The following EHBP1L1 variants were observed in gnomAD, a reference collection of about 807,000 sequenced individuals.
The protein encoded by EHBP1L1 is EH domain-binding protein 1-like protein 1.
Under a neutral mutation model 151.1 loss-of-function variants are expected in EHBP1L1, and 122 were observed. The ratio of observed to expected loss-of-function variants is 0.81; its 90% CI spans 0.70 to 0.94. EHBP1L1 has a LOEUF of 0.94. Ranked by LOEUF, EHBP1L1 falls within the 40% of genes least tolerant of loss-of-function variation. EHBP1L1 has a pLI of 0.00. For missense variants in EHBP1L1, 1,941 were observed against 1,959.8 expected (o/e 0.99, Z 0.18); for synonymous variants, 878 against 810.1 (o/e 1.08, Z -1.42).
At chr11:65,578,961 A>C (rs993323338) in intron 1 of EHBP1L1, 117 bp from the exon 2 acceptor site, 5 of 950,376 alleles carry the variant, frequency 5.3e-6, no homozygotes, top group Non-Finnish European at 6.3e-6. Context: ...GAGGAGGGGG[A>C]GGTGGGCAGA....
Position 65,585,318 on chromosome 11 carries a change from C to G in EHBP1L1, c.3660C>G (p.Asp1220Glu). The G allele has an allele frequency of 9.2e-7, 1 of 1,083,756 alleles. No homozygotes were observed. Among genetic ancestry groups the G allele is most frequent in the Non-Finnish European group, 1.1e-6 (1 of 893,410 alleles). 67.1% of individuals were successfully genotyped at this position (1,083,756 alleles called of 1,614,324 possible). ...CGGTCGCGGGCCGCGCCTCCAAGGACGGCGGGGCCGAGGCCCCCCGAGAGT... is the reference window on the plus strand; with the variant it reads ...CGGTCGCGGGCCGCGCCTCCAAGGAGGGCGGGGCCGAGGCCCCCCGAGAGT... ...RNAVAGRASK[D>E]GGAEAPRESR... is the part of the protein sequence containing the mutation. The change falls in exon 12 of 19, where the codon GAC becomes GAG. Residue 1220 changes from aspartate (D) to glutamate (E), a missense_variant. Transcript: ENST00000309295. This position sits in a 1 kb window ranked among gnomAD's most constrained non-coding sequence, Gnocchi z 4.0.
At position 65,590,009 on chromosome 11, in the gene EHBP1L1, G is replaced by A; in HGVS notation, c.4059+18G>A. On this transcript the variant is annotated intron_variant, in intron 14 of 18. Coordinates refer to ENST00000309295, the MANE Select transcript of EHBP1L1 (RefSeq NM_001099409.3). The stretch of plus-strand genomic sequence containing the variant: ...CTGGGCTGGTAAGGAGGGCTAAGTG[G>A]GAGGAGCTGATGGGTGAGCACCACC... 6.2e-7 allele frequency: 1 copy of A among 1,606,322 alleles called. No individual in the cohort carries two copies. Among genetic ancestry groups the A allele is most frequent in the Non-Finnish European group, 8.5e-7 (1 of 1,174,394 alleles).
rs148887138 is a variant in EHBP1L1 at position 65,583,338 on chromosome 11, C to G, written c.2666C>G (p.Ala889Gly). Residue 889 changes from alanine (A) to glycine (G), a missense_variant, in exon 9 of 19, where the codon GCA becomes GGA. By Grantham distance (60) the Ala-to-Gly change is moderately conservative. Transcript: ENST00000309295. Reference protein sequence around the residue: ...EEAQTSGVQEAETRVGSALKY... With the variant: ...EEAQTSGVQEGETRVGSALKY... The stretch of plus-strand genomic sequence containing the variant: ...GCTCAGACTTCGGGGGTCCAGGAAG[C>G]AGAGACTAGAGTTGGGAGTGCTCTC... 12 of 1,613,674 alleles carry G rather than the reference C, an allele frequency of 7.4e-6. No homozygotes were observed. The East Asian group carries it at 2.7e-4, about 36-fold the overall frequency.
rs1857859019 is a variant in EHBP1L1 at position 65,584,952 on chromosome 11, C to T, written c.3301-7C>T. The T allele has an allele frequency of 6.5e-7, 1 of 1,533,322 alleles. No homozygotes were observed. The highest frequency in any genetic ancestry group is 1.2e-5 in the South Asian group (1 of 83,892). The allele number at this position is 1,533,322 out of a possible 1,614,324, so 95.0% of individuals were successfully genotyped here. On this transcript the variant is annotated splice_region_variant and splice_polypyrimidine_tract_variant and intron_variant, in intron 11 of 18. Coordinates refer to ENST00000309295, the MANE Select transcript of EHBP1L1 (RefSeq NM_001099409.3). ...CGCCGCTGACCCCGAGTGCACCCTT[C>T]CCCTAGGCCTTCGATGGCTTCGCGG...
At chr11:65,587,156 C>T (rs1031048120) in intron 12 of EHBP1L1, among the ~76,000 whole-genome samples, 3 of 152,158 alleles carry the variant, frequency 2.0e-5, no homozygotes, top group South Asian at 2.1e-4. Context: ...GGGCAGATCA[C>T]GAGGTCAGGA....
chr11:65,583,726 A>G lies in EHBP1L1; in HGVS notation c.3054A>G (p.Pro1018=). 1 of 1,541,906 alleles carries G rather than the reference A, an allele frequency of 6.5e-7. No individual in the cohort carries two copies. The highest frequency in any genetic ancestry group is 2.1e-5 in the Admixed American group (1 of 47,688). The change falls in exon 9 of 19, where the codon CCA becomes CCG. Residue 1018 remains proline, a synonymous_variant. Coordinates refer to ENST00000309295, the MANE Select transcript of EHBP1L1 (RefSeq NM_001099409.3). ...AGAGAPRASS[P]EKAEEDRRLP... ...CTGGGGCGCCCAGGGCCTCTTCCCC[A>G]GAGAAGGCTGAAGAGGACAGGAGGC...
chr11:65,583,522 G>C lies in EHBP1L1; in HGVS notation c.2850G>C (p.Gly950=). 6.2e-7 allele frequency: 1 copy of C among 1,613,360 alleles called. No homozygotes were observed. Among genetic ancestry groups the C allele is most frequent in the Non-Finnish European group, 8.5e-7 (1 of 1,179,720 alleles). ...GVWGMSEGKS[G]AWGAQEAEMK... ...GGGGGATGTCAGAGGGCAAATCTGG[G>C]GCTTGGGGGGCCCAGGAAGCAGAGA... The change falls in exon 9 of 19, where the codon GGG becomes GGC. Residue 950 remains glycine (G), a synonymous_variant. Coordinates refer to ENST00000309295, the MANE Select transcript of EHBP1L1 (RefSeq NM_001099409.3).
chr11:65,591,628 G>T, intron 16 of EHBP1L1, 172 bp from the exon 17 acceptor site: 1 of 651,550 alleles, frequency 1.5e-6, no homozygotes, highest in Non-Finnish European at 2.8e-6. Flanking sequence ...CAGAAGAAAA[G>T]CGATAATGTG....
chr11:65,583,925 C>G, intron 9 of EHBP1L1, 160 bp downstream of exon 9: 1 of 1,416,826 alleles, frequency 7.1e-7, no homozygotes, highest in Non-Finnish European at 9.2e-7. Context: ...CTCAGGATGC[C>G]CTGGCTCTCT....
chr11:65,578,895 C>T (rs2135229666), intron 1 of EHBP1L1, among the ~76,000 whole-genome samples, 183 bp from the exon 2 acceptor site: 1 of 152,354 alleles, frequency 6.6e-6, no homozygotes, highest in Non-Finnish European at 1.5e-5. Flanking sequence ...CCTACCTTAG[C>T]AGCTCCACCC....
intron 1 of EHBP1L1, 83 bp downstream of exon 1, chr11:65,576,489 C>A (rs1394457643): frequency 7.6e-6 from 10 of 1,308,656 alleles, no homozygotes; most frequent in South Asian, 2.8e-5. Context: ...ACTCTGCCCC[C>A]CCAGCCCAAT....
In EHBP1L1 at chr11:65,583,123, G is replaced by A. The variant is rs754644037; in HGVS notation, c.2451G>A (p.Glu817=). Residue 817 remains glutamate (E), a synonymous_variant, in exon 9 of 19, where the codon GAG becomes GAA. Transcript: ENST00000309295. The stretch of plus-strand genomic sequence containing the variant: ...TAGCGACTGGGACAGCAGAAACTGA[G>A]ATATTGGGGACCCAAGAGATAGCAT... ...PEIATGTAET[E]ILGTQEIASR... 3 of 1,613,334 alleles carry A rather than the reference G, an allele frequency of 1.9e-6. No homozygotes were observed. In the African/African-American group the frequency reaches 4.0e-5, roughly 22 times the overall value.
intron 6 of EHBP1L1, 107 bp from the exon 7 acceptor site, chr11:65,580,951 G>T: frequency 6.8e-7 from 1 of 1,474,298 alleles, no homozygotes; most frequent in African/African-American, 1.4e-5. Flanking sequence ...CCTGAGGCCA[G>T]GGCGTTTCCC....
intron 6 of EHBP1L1, 179 bp from the exon 7 acceptor site, chr11:65,580,879 G>T: frequency 7.1e-7 from 1 of 1,406,496 alleles, no homozygotes; most frequent in Non-Finnish European, 9.3e-7. Context: ...CACTGTTGAG[G>T]TTCTCTCTCT....
rs1172850106 is a variant in EHBP1L1, at chr11:65,583,615, C to A, written c.2943C>A (p.Val981=). The change falls in exon 9 of 19, where the codon GTC becomes GTA. Residue 981 remains valine, a synonymous_variant. Transcript: ENST00000309295. ...TFKAQEAEAG[V]LGNEKGKEAE... is the part of the protein sequence containing the mutation. ...AGGCCCAGGAAGCGGAGGCTGGGGT[C>A]TTGGGAAATGAGAAGGGGAAAGAAG... The A allele has an allele frequency of 1.2e-6, 2 of 1,608,456 alleles. No homozygotes were observed. Among genetic ancestry groups the A allele is most frequent in the Non-Finnish European group, 1.7e-6 (2 of 1,177,494 alleles).
At chr11:65,580,941 C>T (rs1857571259) in intron 6 of EHBP1L1, 117 bp from the exon 7 acceptor site, 4 of 1,462,398 alleles carry the variant, frequency 2.7e-6, no homozygotes, top group Non-Finnish European at 3.6e-6. Context: ...GGGGCGGTGC[C>T]CTGAGGCCAG....
In EHBP1L1 at chr11:65,580,324, C is replaced by T. The variant is rs1233724927; in HGVS notation, c.492-13C>T. 1.2e-6 allele frequency: 2 copies of T among 1,613,690 alleles called. No individual in the cohort carries two copies. Among genetic ancestry groups the T allele is most frequent in the Non-Finnish European group, 1.7e-6 (2 of 1,179,796 alleles). On this transcript the variant is annotated splice_polypyrimidine_tract_variant and intron_variant, in intron 5 of 18. Coordinates refer to ENST00000309295, the MANE Select transcript of EHBP1L1 (RefSeq NM_001099409.3). ...CTCTGACTCCACCCTCACCTTTAAC[C>T]TCTGCCTCCCAGGGACGATGACATG...
intron 11 of EHBP1L1, 181 bp downstream of exon 11, chr11:65,584,715 C>A: frequency 9.5e-7 from 1 of 1,048,184 alleles, no homozygotes; most frequent in Non-Finnish European, 1.4e-6. Context: ...TGTTTTAAAG[C>A]GTTTTTCCTC....
Position 65,581,585 on chromosome 11 carries a change from C to A in EHBP1L1, c.913C>A (p.Arg305=). ...AQDTAPTPAP[R]LRKGSDALRP... Reference sequence around the variant, plus strand: ...GGACACGGCCCCCACCCCAGCCCCTCGGCTCCGGAAAGGCTCTGATGCCCT... The same window carrying A: ...GGACACGGCCCCCACCCCAGCCCCTAGGCTCCGGAAAGGCTCTGATGCCCT... The change falls in exon 9 of 19, where the codon CGG becomes AGG. Residue 305 remains arginine, a synonymous_variant. Coordinates refer to ENST00000309295, the MANE Select transcript of EHBP1L1 (RefSeq NM_001099409.3). 6.6e-7 allele frequency: 1 copy of A among 1,515,936 alleles called. No homozygotes were observed. Among genetic ancestry groups the A allele is most frequent in the South Asian group, 1.3e-5 (1 of 77,086 alleles). The allele number at this position is 1,515,936 out of a possible 1,614,324, so 93.9% of individuals were successfully genotyped here.
Sources: allele counts gnomAD v4.1 joint callset (sites outside exome capture counted in the v4.1 genomes callset), GRCh38; gene constraint gnomAD v4.1.1; non-coding constraint Gnocchi (gnomAD v3.1); transcripts MANE v1.5; gene names NCBI Gene and HGNC (gene_info 2026-07-23, HGNC 2026-07-21).